Variants in SUPT3H observed in about 807,000 individuals in gnomAD.
The protein encoded by SUPT3H is SPT3 homolog, SAGA and STAGA complex component, also known as transcription initiation protein SPT3 homolog.
SUPT3H carries 44 observed loss-of-function variants against 44.3 expected under a neutral mutation model. The ratio of observed to expected loss-of-function variants is 0.99; its 90% CI spans 0.78 to 1.28. SUPT3H has a LOEUF of 1.28. Among genes scored for constraint, SUPT3H ranks in the 50% most tolerant of loss-of-function variants. The pLI is 0.00. For missense variants in SUPT3H, 380 were observed against 387.1 expected, an observed-to-expected ratio of 0.98 and a Z score of 0.15; for synonymous variants, 124 against 125.6, an observed-to-expected ratio of 0.99 and a Z score of 0.09.
chr6:44,905,630 G>C (rs1765907239), intron 10 of SUPT3H, among the ~76,000 whole-genome samples: 1 of 152,000 alleles, frequency 6.6e-6, no homozygotes, highest in African/African-American at 2.4e-5. Context: ...CAGGGATCTT[G>C]AACTAGAAAT....
At chr6:44,810,367 G>A (rs1467030267) in intron 11 of SUPT3H, among the ~76,000 whole-genome samples, 3 of 152,028 alleles carry the variant, frequency 2.0e-5, no homozygotes, top group Non-Finnish European at 4.4e-5. Context: ...TGACAGTAGT[G>A]GTTGTAAGTA....
At chr6:45,151,071 A>C (rs1806898458) in intron 2 of SUPT3H, among the ~76,000 whole-genome samples, 1 of 152,194 alleles carries the variant, frequency 6.6e-6, no homozygotes, top group Non-Finnish European at 1.5e-5. Flanking sequence ...CCAGAAAACA[A>C]AAAAGTTAAC....
chr6:45,013,707 C>T (rs769866372), intron 5 of SUPT3H, among the ~76,000 whole-genome samples: 5 of 152,050 alleles, frequency 3.3e-5, no homozygotes, highest in Non-Finnish European at 7.4e-5. Context: ...TCAGCTGTGC[C>T]TGCCTAGAAT....
intron 2 of SUPT3H, among the ~76,000 whole-genome samples, chr6:45,234,530 C>CAAAAAAAAAAAAAAAAAA (rs10713328): frequency 7.9e-6 from 1 of 126,960 alleles, no homozygotes; most frequent in Non-Finnish European, 1.7e-5. Flanking sequence ...GACGCTGTCA[C>CAAAAAAAAAAAAAAAAAA]AAAAAAAAAA....
chr6:45,260,686 T>C (rs531673060), intron 2 of SUPT3H, among the ~76,000 whole-genome samples: 2 of 152,252 alleles, frequency 1.3e-5, no homozygotes, highest in Admixed American at 1.3e-4. Flanking sequence ...GGAACAGTTA[T>C]ACAAAGATGT....
chr6:45,102,108 G>T lies in SUPT3H; in HGVS notation c.186+3814C>A, dbSNP rs569762968. On this transcript the variant is annotated intron_variant, in intron 3 of 10. Coordinates refer to ENST00000371459, the MANE Select transcript of SUPT3H (RefSeq NM_003599.4). Reference sequence around the variant, plus strand: ...GACAAAACATAAAGAACTGAAAAAAGAAAACAAAACAGATTCTGTTTTATG... The same window carrying T: ...GACAAAACATAAAGAACTGAAAAAATAAAACAAAACAGATTCTGTTTTATG... 5.9e-5 allele frequency among the ~76,000 whole-genome samples: 9 copies of T among 151,754 alleles called. 1 individual carries two copies. The South Asian group carries it at 1.7e-3, about 28-fold the overall frequency.
rs372931429 is a variant in SUPT3H at position 44,970,966 on chromosome 6, C to A, written c.505-9138G>T. 1.4e-4 allele frequency among the ~76,000 whole-genome samples: 22 copies of A among 152,132 alleles called. 2 individuals are homozygous for A. The highest frequency in any genetic ancestry group is 1.4e-3 in the Admixed American group (22 of 15,278). On this transcript the variant is annotated intron_variant, in intron 6 of 10. Transcript: ENST00000371459. ...CTTACATAGAATAAAAGTCTAGCAT[C>A]TTTAAGGTAAAATCTTGTGAAAAGG...
chr6:44,811,925 C>CAA (rs1180743463), intron 11 of SUPT3H, among the ~76,000 whole-genome samples: 1 of 151,464 alleles, frequency 6.6e-6, no homozygotes, highest in Non-Finnish European at 1.5e-5. Context: ...GTTCTTCTCA[C>CAA]AACTGTATAA....
chr6:44,902,493 A>G (rs1324734351), intron 10 of SUPT3H, among the ~76,000 whole-genome samples: 1 of 152,218 alleles, frequency 6.6e-6, no homozygotes, highest in African/African-American at 2.4e-5. Flanking sequence ...TATCCTAAAT[A>G]TATATGCACC....
chr6:44,921,156 T>C (rs770033520), intron 10 of SUPT3H, among the ~76,000 whole-genome samples: 5 of 152,236 alleles, frequency 3.3e-5, no homozygotes, highest in Non-Finnish European at 7.3e-5. Flanking sequence ...GTTTGGCACA[T>C]GCTTATTGAA....
At chr6:45,258,048 A>G (rs546896217) in intron 2 of SUPT3H, among the ~76,000 whole-genome samples, 1 of 152,344 alleles carries the variant, frequency 6.6e-6, no homozygotes, top group African/African-American at 2.4e-5. Flanking sequence ...ATTCCTAGGC[A>G]TGATGTTAAC....
chr6:45,250,057 C>T (rs939807302), intron 2 of SUPT3H, among the ~76,000 whole-genome samples: 4 of 152,102 alleles, frequency 2.6e-5, no homozygotes, highest in African/African-American at 9.7e-5. Context: ...CACAAAAAAA[C>T]AGCCAGATCT....
intron 2 of SUPT3H, among the ~76,000 whole-genome samples, chr6:45,125,240 T>C (rs1011065917): frequency 6.6e-6 from 1 of 152,234 alleles, no homozygotes; most frequent in Non-Finnish European, 1.5e-5. Context: ...TTTGTAATTC[T>C]ATCACTATAG....
chr6:45,070,732 T>C (rs1794236318), intron 3 of SUPT3H, among the ~76,000 whole-genome samples: 1 of 76,622 alleles, frequency 1.3e-5, no homozygotes, highest in Admixed American at 1.8e-4. Flanking sequence ...CAAAACTCTG[T>C]CTCAAACAAA....
intron 2 of SUPT3H, among the ~76,000 whole-genome samples, chr6:45,251,892 C>G (rs892152374): frequency 6.6e-6 from 1 of 151,770 alleles, no homozygotes; most frequent in Non-Finnish European, 1.5e-5. Flanking sequence ...TATAAAAGAA[C>G]AGGGTCCCAA....
intron 3 of SUPT3H, among the ~76,000 whole-genome samples, chr6:45,088,244 A>T (rs1443189241): frequency 2.6e-5 from 4 of 152,104 alleles, no homozygotes; most frequent in Non-Finnish European, 4.4e-5. Context: ...ATTGGCAATA[A>T]AAAGTAGAGG....
chr6:45,084,005 A>C (rs564393177), intron 3 of SUPT3H, among the ~76,000 whole-genome samples: 1 of 152,334 alleles, frequency 6.6e-6, no homozygotes, highest in South Asian at 2.1e-4. Flanking sequence ...AGATACATTA[A>C]AGATTTAAAT....
At chr6:45,139,267 A>C (rs1350575931) in intron 2 of SUPT3H, among the ~76,000 whole-genome samples, 2 of 152,236 alleles carry the variant, frequency 1.3e-5, no homozygotes, top group Non-Finnish European at 2.9e-5. Context: ...TTCATAAAAC[A>C]ACCTCTATTA....
rs140744092 is a variant in SUPT3H, at chr6:45,265,067, C to A, written c.101+100134G>T. ...TACAATGAATTTTCCTTGATATACACACAATTATTTCAAATCCAGTGCATT... is the reference window on the plus strand; with the variant it reads ...TACAATGAATTTTCCTTGATATACAAACAATTATTTCAAATCCAGTGCATT... On this transcript the variant is annotated intron_variant, in intron 2 of 10. Coordinates refer to ENST00000371459, the MANE Select transcript of SUPT3H (RefSeq NM_003599.4). Among the ~76,000 whole-genome samples, 379 of 152,198 alleles carry A rather than the reference C, an allele frequency of 2.5e-3. 3 individuals carry two copies. Among genetic ancestry groups the A allele is most frequent in the African/African-American group, 8.6e-3 (358 of 41,552 alleles).
Sources: gnomAD v4.1 joint callset for allele counts (sites outside exome capture counted in the v4.1 genomes callset) on GRCh38, gnomAD v4.1.1 for gene constraint, MANE v1.5 for transcripts, NCBI Gene and HGNC (gene_info 2026-07-23, HGNC 2026-07-21) for gene names.